SEC23IP: variants seen among roughly 807,000 people sequenced by gnomAD.
SEC23IP encodes the protein SEC23-interacting protein.
Under a neutral mutation model 113.4 loss-of-function variants are expected in SEC23IP, and 70 were observed. That is an observed-to-expected ratio of 0.62 (90% CI 0.51 to 0.75). The LOEUF (loss-of-function observed/expected upper bound fraction) is 0.75, where lower values mean the gene tolerates loss of function less well. Among genes scored for constraint, SEC23IP ranks in the 30% least tolerant of loss-of-function variants. SEC23IP has a pLI of 0.00. For synonymous variants in SEC23IP, 398 were observed against 421.0 expected (o/e 0.95, Z 0.67); for missense variants, 1,160 against 1,204.9 (o/e 0.96, Z 0.55).
chr10:119,919,740 A>G (rs1031616841), intron 11 of SEC23IP, 144 bp downstream of exon 11: 2 of 693,670 alleles, frequency 2.9e-6, no homozygotes, highest in Non-Finnish European at 4.3e-6. Context: ...ACACAGAAGA[A>G]TATTTTTTTA....
At chr10:119,916,016 A>G (rs1438180718) in intron 8 of SEC23IP, 127 bp downstream of exon 8, 22 of 715,122 alleles carry the variant, frequency 3.1e-5, no homozygotes, top group Non-Finnish European at 4.3e-5. Context: ...CTTCTGACAT[A>G]TAATTAAATA....
At chr10:119,929,816 T>G in intron 14 of SEC23IP, 54 bp downstream of exon 14, 1 of 1,307,472 alleles carries the variant, frequency 7.6e-7, no homozygotes, top group Non-Finnish European at 1.1e-6. Context: ...TTTTTAAACA[T>G]TTTTTACTTT....
At chr10:119,904,502 T>C (rs1051160347) in intron 4 of SEC23IP, 8 of 497,782 alleles carry the variant, frequency 1.6e-5, no homozygotes, top group Non-Finnish European at 2.5e-5. Flanking sequence ...ACATCACAGA[T>C]CTAATAAGGT....
At position 119,926,049 on chromosome 10, in the gene SEC23IP, C is replaced by T. The variant is rs766784462; in HGVS notation, c.2135C>T (p.Ser712Leu). 6.2e-7 allele frequency: 1 copy of T among 1,610,124 alleles called. No individual in the cohort carries two copies. The highest frequency in any genetic ancestry group is 8.5e-7 in the Non-Finnish European group (1 of 1,178,644). ...GGTATTTTACAGAAAAAAGCAGCGT[C>T]AGAAAAGAAGGCAGTGGCGGCCACT... ...HKAAKLKKAASEKKAVAATST... is the reference protein window; with the variant it reads ...HKAAKLKKAALEKKAVAATST... Residue 712 changes from serine (S) to leucine (L), a missense_variant, in exon 13 of 19, where the codon TCA becomes TTA. Transcript: ENST00000369075.
chr10:119,935,958 T>C (rs1001237174), intron 18 of SEC23IP, among the ~76,000 whole-genome samples: 2 of 152,252 alleles, frequency 1.3e-5, no homozygotes, highest in African/African-American at 4.8e-5. Context: ...GGTATTCCAT[T>C]GACTATTGCA....
chr10:119,893,798 G>T (rs976884515), intron 1 of SEC23IP, among the ~76,000 whole-genome samples: 1 of 152,122 alleles, frequency 6.6e-6, no homozygotes, highest in Non-Finnish European at 1.5e-5. Context: ...GGGATTACAG[G>T]TTTAACCCCC....
At chr10:119,908,954 C>T (rs998037033) in intron 4 of SEC23IP, 87 bp from the exon 5 acceptor site, 15 of 849,342 alleles carry the variant, frequency 1.8e-5, no homozygotes. Context: ...TTTTTATCAC[C>T]ATTATAGTGA....
In SEC23IP at chr10:119,892,732, T is replaced by C. The variant is rs1473911399; in HGVS notation, c.-51T>C. 1.3e-6 allele frequency: 2 copies of C among 1,541,980 alleles called. No individual in the cohort carries two copies. The highest frequency in any genetic ancestry group is 1.8e-6 in the Non-Finnish European group (2 of 1,141,134). Reference sequence around the variant, plus strand: ...AGGAGCGTGATCGGTTTCCGGTCAGTGGTGTGGTACCGGGTACCCGGAGAC... The same window carrying C: ...AGGAGCGTGATCGGTTTCCGGTCAGCGGTGTGGTACCGGGTACCCGGAGAC... On this transcript the variant is annotated 5_prime_UTR_variant, in exon 1 of 19. Transcript: ENST00000369075.
At chr10:119,930,198 T>G in intron 14 of SEC23IP, 131 bp from the exon 15 acceptor site, 1 of 510,412 alleles carries the variant, frequency 2.0e-6, no homozygotes, top group East Asian at 3.1e-5. Context: ...TGTCAGTATT[T>G]GAATAAGGTG....
chr10:119,924,500 A>G (rs1260483353), intron 12 of SEC23IP, among the ~76,000 whole-genome samples: 3 of 151,408 alleles, frequency 2.0e-5, no homozygotes, highest in Non-Finnish European at 4.4e-5. Flanking sequence ...ACTCACTGCA[A>G]CCTCCGCCTC....
rs932411501 is a variant in SEC23IP, at chr10:119,937,170, C to T, written c.*20+3383C>T. Among the ~76,000 whole-genome samples the T allele has an allele frequency of 7.2e-5, 11 of 151,862 alleles. No individual in the cohort carries two copies. The East Asian group carries it at 7.8e-4, about 11-fold the overall frequency. ...GATTACAGGCGTGAGCCACCGTGCC[C>T]GGCCAGGGTCCTTTTCTTTCTTATG... On this transcript the variant is annotated intron_variant, in intron 18 of 18. Transcript: ENST00000369075.
At chr10:119,936,044 C>G (rs901492345) in intron 18 of SEC23IP, among the ~76,000 whole-genome samples, 2 of 152,198 alleles carry the variant, frequency 1.3e-5, no homozygotes, top group Admixed American at 1.3e-4. Flanking sequence ...AACAGTACTA[C>G]AGTGATACGT....
intron 1 of SEC23IP, among the ~76,000 whole-genome samples, chr10:119,893,805 C>T (rs1854183059): frequency 6.6e-6 from 1 of 152,112 alleles, no homozygotes; most frequent in Non-Finnish European, 1.5e-5. Flanking sequence ...CAGGTTTAAC[C>T]CCCCACCCAT....
chr10:119,919,119 G>A (rs183392440), intron 10 of SEC23IP, among the ~76,000 whole-genome samples: 2 of 150,746 alleles, frequency 1.3e-5, no homozygotes, highest in Non-Finnish European at 2.9e-5. Context: ...TCAGCCTCCC[G>A]AGTAGTTGGG....
chr10:119,904,248 T>C lies in SEC23IP; in HGVS notation c.1072T>C (p.Tyr358His). Residue 358 changes from tyrosine (Y) to histidine (H), a missense_variant, in exon 4 of 19, where the codon TAT becomes CAT. Tyr to His is a moderately conservative substitution (Grantham distance 83). Coordinates refer to ENST00000369075, the MANE Select transcript of SEC23IP (RefSeq NM_007190.4). The stretch of plus-strand genomic sequence containing the variant: ...GGACACAGATAGTCGATTTATTCCC[T>C]ATACTGAGGAGTTCAGTGAAAAACT... ...KGDTDSRFIP[Y>H]TEEFSEKLEA... The C allele has an allele frequency of 6.2e-7, 1 of 1,614,224 alleles. No individual in the cohort carries two copies. The highest frequency in any genetic ancestry group is 1.1e-5 in the South Asian group (1 of 91,082).
intron 12 of SEC23IP, among the ~76,000 whole-genome samples, chr10:119,923,770 A>G (rs1564920006): frequency 6.6e-6 from 1 of 152,062 alleles, no homozygotes; most frequent in East Asian, 1.9e-4. Flanking sequence ...GCTGGTCTCA[A>G]TCTCCTGACC....
At position 119,933,173 on chromosome 10, in the gene SEC23IP, T is replaced by C; in HGVS notation, c.2921+6T>C. The C allele has an allele frequency of 1.2e-6, 2 of 1,611,622 alleles. No homozygotes were observed. The highest frequency in any genetic ancestry group is 1.7e-6 in the Non-Finnish European group (2 of 1,178,726). On this transcript the variant is annotated splice_donor_region_variant and intron_variant, in intron 17 of 18. Transcript: ENST00000369075. ...CAGAGTCACTTATGCTATTGGTAAG[T>C]GTTCTTAAATTTGGTAACATTTGAG...
chr10:119,932,472 A>G (rs1855637771), intron 16 of SEC23IP, among the ~76,000 whole-genome samples, 154 bp downstream of exon 16: 1 of 152,244 alleles, frequency 6.6e-6, no homozygotes, highest in African/African-American at 2.4e-5. Context: ...TGTACTGTCA[A>G]TAGCATTACT....
At chr10:119,928,896 T>C (rs545078404) in intron 13 of SEC23IP, among the ~76,000 whole-genome samples, 86 of 152,386 alleles carry the variant, frequency 5.6e-4, no homozygotes, top group African/African-American at 2.0e-3. Context: ...CATTGAGTGC[T>C]TAAGCTGTGC....
Sources: allele counts gnomAD v4.1 joint callset (sites outside exome capture counted in the v4.1 genomes callset), GRCh38; gene constraint gnomAD v4.1.1; transcripts MANE v1.5; gene names NCBI Gene and HGNC (gene_info 2026-07-23, HGNC 2026-07-21).